Variants in HNRNPR observed in about 807,000 individuals in gnomAD.
The protein encoded by HNRNPR is heterogeneous nuclear ribonucleoprotein R.
Under a neutral mutation model 70.3 loss-of-function variants are expected in HNRNPR, and 4 were observed. That is an observed-to-expected ratio of 0.06 (90% CI 0.03 to 0.13). The LOEUF is 0.13. HNRNPR is among the 10% of genes least tolerant of loss of function. HNRNPR has a pLI of 1.00. For synonymous variants in HNRNPR, 241 were observed against 267.6 expected (o/e 0.90, Z 0.97); for missense variants, 423 against 788.5 (o/e 0.54, Z 5.55).
At chr1:23,332,415 A>T (rs2148444800) in intron 5 of HNRNPR, among the ~76,000 whole-genome samples, 1 of 150,972 alleles carries the variant, frequency 6.6e-6, no homozygotes, top group East Asian at 1.9e-4. Flanking sequence ...AAAAAAAAAA[A>T]AACTTGGCCA....
intron 1 of HNRNPR, among the ~76,000 whole-genome samples, chr1:23,343,608 T>G (rs1420009406): frequency 6.6e-6 from 1 of 152,166 alleles, no homozygotes; most frequent in East Asian, 1.9e-4. Flanking sequence ...TTCTACGGCC[T>G]CTAGTAGTCA....
chr1:23,334,525 C>T (rs1267168357), intron 4 of HNRNPR, among the ~76,000 whole-genome samples: 1 of 152,050 alleles, frequency 6.6e-6, no homozygotes, highest in Admixed American at 6.5e-5. Flanking sequence ...AATGAGCCAC[C>T]ATACCCAGCC....
rs746350976 is a variant in HNRNPR, at chr1:23,308,103, T to C, written c.*2351A>G. On this transcript the variant is annotated 3_prime_UTR_variant, in exon 11 of 11. Transcript: ENST00000302271. ...CTCTTGAGTTTTAATGTTTATAGGA[T>C]TATGCTTTACAATTTAAAATAGCCA... 5 of 152,058 alleles carry C rather than the reference T, an allele frequency of 3.3e-5. No individual in the cohort carries two copies. Among genetic ancestry groups the C allele is most frequent in the Non-Finnish European group, 5.9e-5 (4 of 67,910 alleles). 9.4% of individuals were successfully genotyped at this position (152,058 alleles called of 1,614,324 possible).
intron 8 of HNRNPR, among the ~76,000 whole-genome samples, chr1:23,315,012 G>T (rs1645475934): frequency 6.6e-6 from 1 of 152,118 alleles, no homozygotes; most frequent in South Asian, 2.1e-4. Flanking sequence ...GGGCGCGGTG[G>T]CTCACGCCTG....
intron 6 of HNRNPR, among the ~76,000 whole-genome samples, chr1:23,322,755 T>C (rs1285098260): frequency 6.6e-6 from 1 of 152,210 alleles, no homozygotes; most frequent in Non-Finnish European, 1.5e-5. Context: ...ATGAAAGAAG[T>C]TGACCATTCT....
chr1:23,333,920 T>A (rs1646349015), intron 4 of HNRNPR, among the ~76,000 whole-genome samples: 1 of 152,072 alleles, frequency 6.6e-6, no homozygotes, highest in Non-Finnish European at 1.5e-5. Flanking sequence ...CTGTCTTTTC[T>A]TCTTTTTTTT....
chr1:23,337,637 AG>A (rs1254594026), intron 4 of HNRNPR, 116 bp downstream of exon 4: 2 of 644,764 alleles, frequency 3.1e-6, no homozygotes, highest in African/African-American at 4.2e-5. Context: ...CCTGGGCGAC[AG>A]AGCAAGACTC....
In HNRNPR at chr1:23,338,362, T is replaced by C. The variant is rs111974172; in HGVS notation, c.276+128A>G. The C allele has an allele frequency of 3.4e-3, 1,652 of 482,050 alleles. 21 individuals carry two copies. The highest frequency in any genetic ancestry group is 0.03 in the African/African-American group (1,500 of 49,502). The allele number at this position is 482,050 out of a possible 1,614,324, so 29.9% of individuals were successfully genotyped here. A position where few individuals can be genotyped will look rare whatever the true frequency, so the allele number is the denominator to read the frequency against. ...TCTGCCACAAGCAGTTTTTTTCCTTTAAACTAATTTTTTAAAAGAAGAGGT... is the reference window on the plus strand; with the variant it reads ...TCTGCCACAAGCAGTTTTTTTCCTTCAAACTAATTTTTTAAAAGAAGAGGT... On this transcript the variant is annotated intron_variant, in intron 3 of 10. Transcript: ENST00000302271.
intron 5 of HNRNPR, among the ~76,000 whole-genome samples, chr1:23,327,355 T>G (rs1297085578): frequency 6.6e-6 from 1 of 152,192 alleles, no homozygotes; most frequent in Non-Finnish European, 1.5e-5. Flanking sequence ...GGTCTAGGCA[T>G]TCATGAAGTT....
intron 4 of HNRNPR, among the ~76,000 whole-genome samples, chr1:23,333,900 T>A (rs1646347600): frequency 6.6e-6 from 1 of 152,094 alleles, no homozygotes. Flanking sequence ...CTCACATCCA[T>A]TTCTCCCTAC....
intron 2 of HNRNPR, among the ~76,000 whole-genome samples, chr1:23,338,992 G>T (rs1477929695): frequency 6.6e-6 from 1 of 152,142 alleles, no homozygotes; most frequent in African/African-American, 2.4e-5. Context: ...AATACATTGC[G>T]TTTTCCAAGG....
chr1:23,317,895 G>A (rs755307521), intron 8 of HNRNPR, among the ~76,000 whole-genome samples: 1 of 151,784 alleles, frequency 6.6e-6, no homozygotes, highest in Non-Finnish European at 1.5e-5. Flanking sequence ...AAGGAGAATC[G>A]CTTGAACCTG....
intron 4 of HNRNPR, among the ~76,000 whole-genome samples, chr1:23,336,349 A>C (rs1646483670): frequency 6.6e-6 from 1 of 151,186 alleles, no homozygotes; most frequent in Non-Finnish European, 1.5e-5. Flanking sequence ...GCGGATCATG[A>C]GGTCAGGAGA....
At chr1:23,313,991 G>C (rs614849) in intron 8 of HNRNPR, among the ~76,000 whole-genome samples, 8,837 of 152,044 alleles carry the variant, frequency 0.058, 837 homozygotes, top group African/African-American at 0.2. Context: ...TCAACAAAAA[G>C]TCCCTTTCAA....
chr1:23,316,096 T>C (rs1012639908), intron 8 of HNRNPR, among the ~76,000 whole-genome samples: 13 of 152,218 alleles, frequency 8.5e-5, no homozygotes, highest in African/African-American at 3.1e-4. Flanking sequence ...CTTCAGTGAA[T>C]TGTAAATTGA....
chr1:23,340,753 A>G, intron 2 of HNRNPR, 99 bp downstream of exon 2: 1 of 978,420 alleles, frequency 1.0e-6, no homozygotes, highest in Non-Finnish European at 1.5e-6. Context: ...TCTACAGATC[A>G]GAAACAATAA....
chr1:23,334,483 G>A (rs760709063), intron 4 of HNRNPR, among the ~76,000 whole-genome samples: 13 of 151,952 alleles, frequency 8.6e-5, no homozygotes, highest in Non-Finnish European at 1.0e-4. Flanking sequence ...TGATCCACCC[G>A]ACTTGGCCTC....
At chr1:23,336,042 G>C (rs552022972) in intron 4 of HNRNPR, among the ~76,000 whole-genome samples, 1 of 139,914 alleles carries the variant, frequency 7.1e-6, no homozygotes, top group South Asian at 2.3e-4. Flanking sequence ...GCGTGAACCC[G>C]GGAGGCGGAG....
chr1:23,336,764 T>C (rs1200265059), intron 4 of HNRNPR, among the ~76,000 whole-genome samples: 2 of 123,140 alleles, frequency 1.6e-5, no homozygotes, highest in South Asian at 4.9e-4. Flanking sequence ...TGAGACTCTG[T>C]CTCAAAAAAA....
Sources: allele counts gnomAD v4.1 joint callset (sites outside exome capture counted in the v4.1 genomes callset), GRCh38; gene constraint gnomAD v4.1.1; transcripts MANE v1.5; gene names NCBI Gene and HGNC (gene_info 2026-07-23, HGNC 2026-07-21).